Variants in PRKCD observed in about 807,000 individuals in gnomAD.
PRKCD encodes the protein protein kinase C delta.
A neutral mutation model predicts 82.2 loss-of-function variants in PRKCD; 20 were observed. The ratio of observed to expected loss-of-function variants is 0.24; its 90% CI spans 0.17 to 0.35. The LOEUF (loss-of-function observed/expected upper bound fraction) is 0.35. Ranked by LOEUF, PRKCD falls within the 10% of genes least tolerant of loss-of-function variation. The probability of loss-of-function intolerance (pLI) is 1.00; values close to 1 mark genes in which losing one functional copy is unlikely to be tolerated. For missense variants in PRKCD, 607 were observed against 899.0 expected, an observed-to-expected ratio of 0.68 and a Z score of 4.15; for synonymous variants, 317 against 337.0, an observed-to-expected ratio of 0.94 and a Z score of 0.65.
intron 2 of PRKCD, among the ~76,000 whole-genome samples, chr3:53,168,673 G>A (rs1038484069): frequency 2.6e-5 from 4 of 152,056 alleles, no homozygotes; most frequent in Non-Finnish European, 5.9e-5. Flanking sequence ...GAGCCACTGT[G>A]TGGGGTGGGG....
At position 53,185,928 on chromosome 3, in the gene PRKCD, C is replaced by A. The variant is rs373073065; in HGVS notation, c.987C>A (p.Asp329Glu). The A allele has an allele frequency of 6.2e-7, 1 of 1,614,032 alleles. No individual in the cohort carries two copies. The highest frequency in any genetic ancestry group is 1.3e-5 in the African/African-American group (1 of 74,926). Reference sequence around the variant, plus strand: ...GAGGAGGTGCCATCTCTCGGGCAGACAACAGTGGGACCTACGGCAAGATCT... The same window carrying A: ...GAGGAGGTGCCATCTCTCGGGCAGAAAACAGTGGGACCTACGGCAAGATCT... Reference protein sequence around the residue: ...KTGVAGEDMQDNSGTYGKIWE... With the variant: ...KTGVAGEDMQENSGTYGKIWE... Residue 329 changes from aspartate (D) to glutamate (E), a missense_variant and splice_region_variant, in exon 12 of 19, where the codon GAC becomes GAA. This residue lies in a region of PRKCD where 85 missense variants were observed against 76.1 expected (regional missense o/e 1.12). Coordinates refer to ENST00000330452, the MANE Select transcript of PRKCD (RefSeq NM_006254.4).
chr3:53,187,439 G>A, intron 15 of PRKCD, 37 bp downstream of exon 15: 1 of 1,606,058 alleles, frequency 6.2e-7, no homozygotes, highest in East Asian at 2.2e-5. Context: ...CTTGGGAGGG[G>A]AGGCTCCAGC....
chr3:53,185,881 G>T (rs782461525), intron 11 of PRKCD, 46 bp from the exon 12 acceptor site: 56 of 1,603,554 alleles, frequency 3.5e-5, no homozygotes, highest in Non-Finnish European at 4.7e-5. Context: ...GAGGGGAGTT[G>T]TGTAGACTGA....
chr3:53,189,549 G>A lies in PRKCD; in HGVS notation c.1743+303G>A, dbSNP rs546267858. Reference sequence around the variant, plus strand: ...CCTCTCAGAGTTTGTCTCCTTATCTGTAAAATGGGGCTATGAGCAGACTTG... The same window carrying A: ...CCTCTCAGAGTTTGTCTCCTTATCTATAAAATGGGGCTATGAGCAGACTTG... On this transcript the variant is annotated intron_variant, in intron 17 of 18. Transcript: ENST00000330452. Among the ~76,000 whole-genome samples, 4 of 152,362 alleles carry A rather than the reference G, an allele frequency of 2.6e-5. No homozygotes were observed. The South Asian group carries it at 8.3e-4, about 32-fold the overall frequency.
chr3:53,180,678 G>A (rs782164391), intron 4 of PRKCD, among the ~76,000 whole-genome samples: 3 of 152,294 alleles, frequency 2.0e-5, no homozygotes, highest in East Asian at 3.9e-4. Flanking sequence ...TGCTGTCTCC[G>A]CTCCCCCAAG....
intron 2 of PRKCD, among the ~76,000 whole-genome samples, chr3:53,175,268 A>G (rs991866257): frequency 2.6e-5 from 4 of 152,174 alleles, no homozygotes; most frequent in African/African-American, 4.8e-5. Flanking sequence ...GCTGCTGGGC[A>G]GGCGGAATGG....
At chr3:53,183,098 T>A in intron 7 of PRKCD, 23 bp from the exon 8 acceptor site, 1 of 1,613,302 alleles carries the variant, frequency 6.2e-7, no homozygotes. Flanking sequence ...CCCTTCCCCC[T>A]CCTGGGCCTG....
At chr3:53,182,633 A>C (rs1703488149) in intron 7 of PRKCD, among the ~76,000 whole-genome samples, 1 of 152,180 alleles carries the variant, frequency 6.6e-6, no homozygotes, top group African/African-American at 2.4e-5. Context: ...AAATGGAATA[A>C]GATATGTAAA....
intron 2 of PRKCD, among the ~76,000 whole-genome samples, chr3:53,170,618 G>A (rs1315855997): frequency 2.0e-5 from 3 of 152,214 alleles, no homozygotes; most frequent in African/African-American, 4.8e-5. Context: ...GACTTTCTTC[G>A]TCTCCCTGGG....
chr3:53,179,449 C>T (rs1273199129), intron 3 of PRKCD, 128 bp from the exon 4 acceptor site: 2 of 1,242,162 alleles, frequency 1.6e-6, no homozygotes, highest in Non-Finnish European at 2.4e-6. Context: ...CTAGAGGACA[C>T]TGGGGAACCA....
chr3:53,186,792 C>T, intron 14 of PRKCD, 97 bp downstream of exon 14: 2 of 1,285,458 alleles, frequency 1.6e-6, no homozygotes, highest in Non-Finnish European at 2.2e-6. Context: ...TCTTCCCTCT[C>T]CCTAGAAAAG....
chr3:53,191,627 G>A lies in PRKCD; in HGVS notation c.1873-481G>A, dbSNP rs141979845. On this transcript the variant is annotated intron_variant, in intron 18 of 18. Coordinates refer to ENST00000330452, the MANE Select transcript of PRKCD (RefSeq NM_006254.4). ...ATAGTATATATTTTAGGCTTTTCAG[G>A]CTTGATGGTCTCAAAGCAGGCATAG... is the stretch of plus-strand genomic sequence containing the variant. Among the ~76,000 whole-genome samples the A allele has an allele frequency of 5.0e-3, 766 of 152,234 alleles. 15 individuals carry two copies. Among genetic ancestry groups the A allele is most frequent in the African/African-American group, 0.018 (729 of 41,524 alleles).
Position 53,183,433 on chromosome 3 carries a change from G to A in PRKCD, c.658-19G>A. The A allele has an allele frequency of 1.2e-6, 2 of 1,613,856 alleles. No individual in the cohort carries two copies. The highest frequency in any genetic ancestry group is 1.7e-4 in the Middle Eastern group (1 of 6,060). Reference sequence around the variant, plus strand: ...GGAGCTGGCACGTGACCCTCAGCCTGTGATACCCCCACCTCCAGTTCCAGA... The same window carrying A: ...GGAGCTGGCACGTGACCCTCAGCCTATGATACCCCCACCTCCAGTTCCAGA... On this transcript the variant is annotated intron_variant, in intron 8 of 18. Transcript: ENST00000330452.
intron 14 of PRKCD, 93 bp downstream of exon 14, chr3:53,186,788 C>T (rs1211326081): frequency 1.5e-5 from 19 of 1,308,848 alleles, no homozygotes; most frequent in African/African-American, 2.9e-5. Flanking sequence ...GCCTTCTTCC[C>T]TCTCCCTAGA....
At chr3:53,184,271 C>G (rs1458058010) in intron 9 of PRKCD, among the ~76,000 whole-genome samples, 4 of 148,220 alleles carry the variant, frequency 2.7e-5, no homozygotes, top group Non-Finnish European at 6.0e-5. Context: ...GGAGGCAGAG[C>G]TTGCAGTGAG....
intron 2 of PRKCD, among the ~76,000 whole-genome samples, chr3:53,177,971 G>A (rs1323029112): frequency 4.2e-5 from 6 of 144,108 alleles, no homozygotes; most frequent in Admixed American, 1.4e-4. Context: ...TTGAGACGGA[G>A]TTTGGCTCTT....
intron 4 of PRKCD, among the ~76,000 whole-genome samples, chr3:53,180,231 A>G (rs1191209769): frequency 6.6e-6 from 1 of 151,544 alleles, no homozygotes; most frequent in African/African-American, 2.5e-5. Flanking sequence ...CCCTGCCCCA[A>G]CACCAGGCCA....
intron 14 of PRKCD, 28 bp downstream of exon 14, chr3:53,186,723 C>T (rs1553669251): frequency 1.3e-6 from 2 of 1,587,076 alleles, no homozygotes; most frequent in Non-Finnish European, 8.6e-7. Flanking sequence ...TGGGGAAGGG[C>T]CCAGTGTGGA....
In PRKCD at chr3:53,166,766, G is replaced by T. The variant is rs971229470; in HGVS notation, c.-20+1551G>T. Among the ~76,000 whole-genome samples the T allele has an allele frequency of 4.6e-5, 7 of 152,266 alleles. 1 individual carries two copies. The highest frequency in any genetic ancestry group is 1.0e-4 in the Non-Finnish European group (7 of 68,046). ...AGGTGTGGCTGTGATCTCAGTAAGG[G>T]GGGCTGGGCCACCCTGGTAGGTGGG... On this transcript the variant is annotated intron_variant, in intron 2 of 18. Transcript: ENST00000330452.
Sources: allele counts gnomAD v4.1 joint callset (sites outside exome capture counted in the v4.1 genomes callset), GRCh38; gene constraint gnomAD v4.1.1; regional missense constraint gnomAD v4.1.1; transcripts MANE v1.5; gene names NCBI Gene and HGNC (gene_info 2026-07-23, HGNC 2026-07-21).